Variants in TARM1 observed in about 807,000 individuals in gnomAD.
The protein encoded by TARM1 is T cell-interacting, activating receptor on myeloid cells 1.
In TARM1, 24 loss-of-function variants were observed where a neutral mutation model predicts 30.4. That is an observed-to-expected ratio of 0.79 (90% confidence interval 0.57 to 1.11). The LOEUF (loss-of-function observed/expected upper bound fraction) is 1.11, where lower values mean the gene tolerates loss of function less well. Ranked by LOEUF, TARM1 falls within the 50% of genes least tolerant of loss-of-function variation. TARM1 has a pLI of 0.00. For synonymous variants in TARM1, 129 were observed against 138.9 expected, an observed-to-expected ratio of 0.93 and a Z score of 0.50; for missense variants, 323 against 332.8, an observed-to-expected ratio of 0.97 and a Z score of 0.23.
chr19:54,071,291 T>G (rs1344851256), intron 4 of TARM1, among the ~76,000 whole-genome samples: 1 of 151,696 alleles, frequency 6.6e-6, no homozygotes, highest in Non-Finnish European at 1.5e-5. Flanking sequence ...GTAATGGGAG[T>G]TCCTTTATCT....
intron 4 of TARM1, among the ~76,000 whole-genome samples, chr19:54,073,036 G>A (rs2071849760): frequency 6.6e-6 from 1 of 151,962 alleles, no homozygotes; most frequent in African/African-American, 2.4e-5. Flanking sequence ...TGCAAAGACT[G>A]GTAGAAGGAA....
intron 4 of TARM1, among the ~76,000 whole-genome samples, chr19:54,071,046 C>T (rs1160773658): frequency 2.0e-5 from 3 of 152,098 alleles, no homozygotes; most frequent in African/African-American, 7.2e-5. Context: ...CAACCTCCAC[C>T]TCCTGGGTTC....
chr19:54,070,200 T>A, intron 4 of TARM1, 40 bp from the exon 5 acceptor site: 1 of 1,532,168 alleles, frequency 6.5e-7, no homozygotes, highest in South Asian at 1.2e-5. Flanking sequence ...CCTCAGAGGG[T>A]ATCCCTCCTT....
chr19:54,081,142 A>G (rs150475766), intron 1 of TARM1, among the ~76,000 whole-genome samples, 165 bp downstream of exon 1: 8 of 152,298 alleles, frequency 5.3e-5, no homozygotes, highest in Non-Finnish European at 1.0e-4. Context: ...AAGTTTGCAG[A>G]GCACTCGTTT....
intron 1 of TARM1, among the ~76,000 whole-genome samples, chr19:54,080,190 A>G (rs148814080): frequency 0.05 from 6,239 of 125,570 alleles, 517 homozygotes; most frequent in Middle Eastern, 0.079. Context: ...CAAGCAAGCA[A>G]GCAGGCAAGC....
In TARM1 at chr19:54,079,113, A is replaced by C. The variant is rs980707465; in HGVS notation, c.34+2194T>G. On this transcript the variant is annotated intron_variant, in intron 1 of 4. Transcript: ENST00000432826. ...CTACTAAAAAAAAAAAAAAAAAAAA[A>C]CTTAGCCAGGCATGGTGGTGAGCGC... 8.9e-5 allele frequency among the ~76,000 whole-genome samples: 10 copies of C among 112,778 alleles called. No individual in the cohort carries two copies. The East Asian group carries it at 2.6e-3, about 30-fold the overall frequency. The allele number at this position is 112,778 out of a possible 152,430, so 74.0% of individuals were successfully genotyped here.
At chr19:54,077,145 G>A (rs2071975683) in intron 1 of TARM1, among the ~76,000 whole-genome samples, 1 of 152,180 alleles carries the variant, frequency 6.6e-6, no homozygotes, top group South Asian at 2.1e-4. Flanking sequence ...CACTTTGGGA[G>A]GCCGAGGCAG....
intron 1 of TARM1, chr19:54,076,259 T>C: frequency 6.7e-7 from 1 of 1,492,310 alleles, no homozygotes; most frequent in Non-Finnish European, 9.0e-7. Flanking sequence ...TCTTTCTTTC[T>C]TTTTTCTTTC....
At position 54,080,097 on chromosome 19, in the gene TARM1, AAGGAAGGAAGGAAGGAAGG is replaced by A. The variant is rs2072065961; in HGVS notation, c.34+1191_34+1209del. 3.1e-3 allele frequency among the ~76,000 whole-genome samples: 100 copies of A among 32,642 alleles called. 9 individuals are homozygous for A. The highest frequency in any genetic ancestry group is 8.4e-3 in the East Asian group (8 of 958). 21.4% of individuals were successfully genotyped at this position (32,642 alleles called of 152,430 possible). A position where few individuals can be genotyped will look rare whatever the true frequency, so the allele number is the denominator to read the frequency against. On this transcript the variant is annotated intron_variant, in intron 1 of 4. Coordinates refer to ENST00000432826, the MANE Select transcript of TARM1 (RefSeq NM_001135686.3). ...AATGAAGGAGAAAGAGAAAGAAAGGAAGGAAGGAAGGAAGGAAGGAAGGAAGGAAGGAAGGAAGGAAGAA... is the reference window on the plus strand; with the variant it reads ...AATGAAGGAGAAAGAGAAAGAAAGGAAAGGAAGGAAGGAAGGAAGGAAGAA...
At chr19:54,074,355 CTCCG>C in intron 3 of TARM1, 139 bp from the exon 4 acceptor site, 1 of 831,910 alleles carries the variant, frequency 1.2e-6, no homozygotes, top group Non-Finnish European at 1.8e-6. Flanking sequence ...CCACTTCCTA[CTCCG>C]ACCCCAGGAC....
At chr19:54,075,406 G>C (rs587737499) in intron 2 of TARM1, among the ~76,000 whole-genome samples, 1 of 151,538 alleles carries the variant, frequency 6.6e-6, no homozygotes, top group Non-Finnish European at 1.5e-5. Context: ...GGCTGGTCTC[G>C]AACTCCTGAC....
intron 1 of TARM1, among the ~76,000 whole-genome samples, chr19:54,079,179 G>T (rs1267612769): frequency 2.7e-5 from 4 of 148,914 alleles, no homozygotes; most frequent in South Asian, 2.1e-4. Context: ...CAGGAGAATC[G>T]CTTGAACCCA....
At chr19:54,076,902 T>C (rs1397333165) in intron 1 of TARM1, among the ~76,000 whole-genome samples, 1 of 152,094 alleles carries the variant, frequency 6.6e-6, no homozygotes, top group Non-Finnish European at 1.5e-5. Flanking sequence ...CATGATCTCT[T>C]TTAATCCCTT....
In TARM1 at chr19:54,080,056, G is replaced by GGAAGGGAA. The variant is rs2072060896; in HGVS notation, c.34+1250_34+1251insTTCCCTTC. On this transcript the variant is annotated intron_variant, in intron 1 of 4. Transcript: ENST00000432826. ...AGGAAGGAAGGAAGGAAGGGAAAGAGAGAGAGGAAGGAAGGAATGAAGGAG... is the reference window on the plus strand; with the variant it reads ...AGGAAGGAAGGAAGGAAGGGAAAGAGGAAGGGAAAGAGAGGAAGGAAGGAATGAAGGAG... Among the ~76,000 whole-genome samples the GGAAGGGAA allele has an allele frequency of 5.1e-5, 7 of 136,112 alleles. No individual in the cohort carries two copies. In the South Asian group the frequency reaches 7.3e-4, roughly 14 times the overall value. The allele number at this position is 136,112 out of a possible 152,430, so 89.3% of individuals were successfully genotyped here. A position where few individuals can be genotyped will look rare whatever the true frequency, so the allele number is the denominator to read the frequency against.
chr19:54,076,312 C>T (rs1357428940), intron 1 of TARM1: 8 of 813,044 alleles, frequency 9.8e-6, no homozygotes, highest in African/African-American at 7.3e-5. Context: ...GACAGAGTCT[C>T]GCTCTTTCTT....
intron 1 of TARM1, among the ~76,000 whole-genome samples, chr19:54,077,917 T>G (rs2071998964): frequency 6.6e-6 from 1 of 151,910 alleles, no homozygotes; most frequent in East Asian, 1.9e-4. Context: ...CAGGTTCAAG[T>G]GATTCTCCTG....
At chr19:54,076,444 C>A (rs894168446) in intron 1 of TARM1, 7 of 456,966 alleles carry the variant, frequency 1.5e-5, no homozygotes, top group Non-Finnish European at 2.7e-5. Flanking sequence ...CTCACTGCAA[C>A]CTCCGCCTCC....
chr19:54,080,052 A>AGG (rs1568511274), intron 1 of TARM1, among the ~76,000 whole-genome samples: 6 of 24,554 alleles, frequency 2.4e-4, no homozygotes, highest in Non-Finnish European at 5.5e-4. Flanking sequence ...AAGGAAGGGA[A>AGG]AGAGAGAGAG....
At chr19:54,072,052 A>T (rs927896455) in intron 4 of TARM1, among the ~76,000 whole-genome samples, 1 of 151,902 alleles carries the variant, frequency 6.6e-6, no homozygotes, top group Non-Finnish European at 1.5e-5. Flanking sequence ...TTAGCCAGGC[A>T]GGGTGGCACA....
Sources: allele counts gnomAD v4.1 joint callset (sites outside exome capture counted in the v4.1 genomes callset), GRCh38; gene constraint gnomAD v4.1.1; transcripts MANE v1.5; gene names NCBI Gene and HGNC (gene_info 2026-07-23, HGNC 2026-07-21).